SLC17A6: variants seen among roughly 807,000 people sequenced by gnomAD.
The protein encoded by SLC17A6 is vesicular glutamate transporter 2.
In SLC17A6, 35 loss-of-function variants were observed where a neutral mutation model predicts 67.1. That is an observed-to-expected ratio of 0.52 (90% CI 0.40 to 0.69). The LOEUF is 0.69. Ranked by LOEUF, SLC17A6 falls within the 30% of genes least tolerant of loss-of-function variation. The pLI, the probability that SLC17A6 is intolerant of heterozygous loss-of-function variation, is 0.00. For synonymous variants in SLC17A6, 285 were observed against 252.3 expected (o/e 1.13, Z -1.23); for missense variants, 588 against 723.9 (o/e 0.81, Z 2.15).
intron 8 of SLC17A6, 42 bp downstream of exon 8, chr11:22,370,230 G>A: frequency 1.3e-6 from 2 of 1,506,240 alleles, no homozygotes; most frequent in Non-Finnish European, 8.9e-7. Context: ...GATTACCTGT[G>A]TATTTAAGTG....
chr11:22,378,562 A>AAG lies in SLC17A6; in HGVS notation c.*823_*824insGA, dbSNP rs1245102943. On this transcript the variant is annotated 3_prime_UTR_variant, in exon 12 of 12. Transcript: ENST00000263160. ...GTACTGGTTGTAACTTGCATTAGAA[A>AAG]AAAAAGAGATATATACACCACAAAG... is the stretch of plus-strand genomic sequence containing the variant. The AAG allele has an allele frequency of 6.6e-6, 1 of 152,434 alleles. No homozygotes were observed. The highest frequency in any genetic ancestry group is 6.6e-5 in the Admixed American group (1 of 15,244). The allele number at this position is 152,434 out of a possible 1,614,324, so 9.4% of individuals were successfully genotyped here.
At chr11:22,343,014 G>T in intron 2 of SLC17A6, 2 of 596,466 alleles carry the variant, frequency 3.4e-6, no homozygotes, top group Admixed American at 4.7e-5. Flanking sequence ...TAGTCAGGGA[G>T]CAAAGCCAGT....
At chr11:22,373,047 G>A (rs1458061228) in intron 8 of SLC17A6, among the ~76,000 whole-genome samples, 1 of 152,112 alleles carries the variant, frequency 6.6e-6, no homozygotes, top group African/African-American at 2.4e-5. Flanking sequence ...TAGATTTTTA[G>A]CACCTTGCAT....
At chr11:22,355,139 T>C (rs1176705214) in intron 3 of SLC17A6, among the ~76,000 whole-genome samples, 4 of 152,118 alleles carry the variant, frequency 2.6e-5, no homozygotes, top group African/African-American at 9.7e-5. Flanking sequence ...ATTGTTTAGA[T>C]GAGAAATGAG....
chr11:22,372,398 A>T (rs1856183843), intron 8 of SLC17A6, among the ~76,000 whole-genome samples: 1 of 150,548 alleles, frequency 6.6e-6, no homozygotes, highest in Admixed American at 6.6e-5. Context: ...ACACATATAT[A>T]TATATAATTT....
chr11:22,339,489 A>G (rs2052249553), intron 1 of SLC17A6, among the ~76,000 whole-genome samples: 1 of 152,160 alleles, frequency 6.6e-6, no homozygotes, highest in African/African-American at 2.4e-5. Flanking sequence ...TTAATTATTT[A>G]ATCCTCCTGT....
intron 2 of SLC17A6, chr11:22,342,991 A>T: frequency 1.7e-6 from 1 of 572,690 alleles, no homozygotes; most frequent in Admixed American, 2.2e-5. Flanking sequence ...AGATGATTCG[A>T]TCTGCCTGAC....
intron 4 of SLC17A6, among the ~76,000 whole-genome samples, chr11:22,360,662 T>C (rs533169982): frequency 1.6e-4 from 24 of 152,152 alleles, no homozygotes; most frequent in African/African-American, 5.5e-4. Flanking sequence ...TGTATAGATA[T>C]TTATATTTGG....
intron 4 of SLC17A6, among the ~76,000 whole-genome samples, chr11:22,360,295 G>A (rs1221294173): frequency 6.6e-6 from 1 of 151,924 alleles, no homozygotes; most frequent in Non-Finnish European, 1.5e-5. Context: ...ATGGACACAG[G>A]GAGGGGAACG....
chr11:22,343,082 T>G (rs1264978659), intron 2 of SLC17A6, 165 bp from the exon 3 acceptor site: 1 of 709,440 alleles, frequency 1.4e-6, no homozygotes, highest in Non-Finnish European at 2.5e-6. Flanking sequence ...GTTTTTTCGT[T>G]GCAAGAGGCA....
chr11:22,359,165 G>A (rs1381046766), intron 3 of SLC17A6, among the ~76,000 whole-genome samples: 1 of 152,066 alleles, frequency 6.6e-6, no homozygotes, highest in African/African-American at 2.4e-5. Flanking sequence ...GAAAATAATA[G>A]TATAACCAAA....
At chr11:22,360,464 T>G (rs1033904535) in intron 4 of SLC17A6, among the ~76,000 whole-genome samples, 1 of 150,840 alleles carries the variant, frequency 6.6e-6, no homozygotes, top group African/African-American at 2.4e-5. Context: ...ATCCTGCACA[T>G]GTACCCCAGA....
intron 3 of SLC17A6, among the ~76,000 whole-genome samples, chr11:22,350,656 C>T (rs1435948846): frequency 3.3e-5 from 5 of 152,080 alleles, no homozygotes; most frequent in Non-Finnish European, 7.4e-5. Flanking sequence ...TTGCACATTT[C>T]TTTCCTTTTT....
At chr11:22,369,693 A>G (rs1856153383) in intron 7 of SLC17A6, among the ~76,000 whole-genome samples, 1 of 151,836 alleles carries the variant, frequency 6.6e-6, no homozygotes, top group South Asian at 2.1e-4. Context: ...TTGCTGAGAT[A>G]TGGTCTATCA....
chr11:22,375,106 C>T (rs1295879609), intron 9 of SLC17A6, among the ~76,000 whole-genome samples: 2 of 152,132 alleles, frequency 1.3e-5, no homozygotes, highest in Non-Finnish European at 2.9e-5. Flanking sequence ...GGCACGGTGG[C>T]TCATGCCTGT....
intron 5 of SLC17A6, chr11:22,362,373 A>C (rs1328050975): frequency 3.0e-6 from 1 of 335,628 alleles, no homozygotes; most frequent in African/African-American, 2.2e-5. Flanking sequence ...AAGGAGATAC[A>C]TGCTTGAGGT....
intron 6 of SLC17A6, among the ~76,000 whole-genome samples, chr11:22,363,673 T>C (rs1856077000): frequency 6.6e-6 from 1 of 152,212 alleles, no homozygotes; most frequent in Non-Finnish European, 1.5e-5. Flanking sequence ...TAGAAGGTTA[T>C]TAAATGTCAC....
chr11:22,364,686 T>C (rs1856089425), intron 6 of SLC17A6, among the ~76,000 whole-genome samples: 1 of 152,078 alleles, frequency 6.6e-6, no homozygotes, highest in South Asian at 2.1e-4. Flanking sequence ...AGCATTTAGA[T>C]TGTTACCCAA....
intron 3 of SLC17A6, among the ~76,000 whole-genome samples, chr11:22,350,217 C>T (rs757615093): frequency 4.6e-5 from 7 of 152,160 alleles, no homozygotes; most frequent in African/African-American, 7.2e-5. Context: ...CCTTTCCAAA[C>T]ATTTCTGTGT....
Sources: gnomAD v4.1 joint callset for allele counts (sites outside exome capture counted in the v4.1 genomes callset) on GRCh38, gnomAD v4.1.1 for gene constraint, MANE v1.5 for transcripts, NCBI Gene and HGNC (gene_info 2026-07-23, HGNC 2026-07-21) for gene names.